CAT: variants seen among roughly 807,000 people sequenced by gnomAD.
The protein encoded by CAT is epididymis secretory sperm binding protein.
A neutral mutation model predicts 59.0 loss-of-function variants in CAT; 43 were observed. The ratio of observed to expected loss-of-function variants is 0.73; its 90% CI spans 0.57 to 0.94. The LOEUF (loss-of-function observed/expected upper bound fraction) is 0.94, where lower values mean the gene tolerates loss of function less well. Ranked by LOEUF, CAT falls within the 40% of genes least tolerant of loss-of-function variation. The probability of loss-of-function intolerance (pLI) is 0.00; values close to 1 mark genes in which losing one functional copy is unlikely to be tolerated. For missense variants in CAT, 664 were observed against 682.9 expected (o/e 0.97, Z 0.31); for synonymous variants, 218 against 230.9 (o/e 0.94, Z 0.51).
chr11:34,464,304 C>G (rs1856688478), intron 10 of CAT, 69 bp downstream of exon 10: 1 of 1,453,954 alleles, frequency 6.9e-7, no homozygotes, highest in African/African-American at 1.4e-5. Flanking sequence ...TGCATAATCC[C>G]CCTCCCTGCA....
intron 6 of CAT, among the ~76,000 whole-genome samples, chr11:34,454,418 T>C (rs1305088820): frequency 1.3e-5 from 2 of 152,190 alleles, no homozygotes; most frequent in Non-Finnish European, 2.9e-5. Flanking sequence ...TGAGCAATAT[T>C]GCCAGTGAAC....
intron 1 of CAT, among the ~76,000 whole-genome samples, chr11:34,442,033 C>T (rs1218719892): frequency 2.0e-5 from 3 of 152,168 alleles, no homozygotes; most frequent in Non-Finnish European, 2.9e-5. Context: ...TGTTGTCAGT[C>T]TTTTACATTT....
intron 10 of CAT, among the ~76,000 whole-genome samples, chr11:34,465,860 A>G (rs1015690222): frequency 7.2e-5 from 11 of 152,362 alleles, no homozygotes; most frequent in African/African-American, 2.6e-4. Context: ...AAGGCTTTGG[A>G]GAGCTAACAA....
chr11:34,442,019 T>C (rs964771737), intron 1 of CAT, among the ~76,000 whole-genome samples: 1 of 152,176 alleles, frequency 6.6e-6, no homozygotes, highest in African/African-American at 2.4e-5. Flanking sequence ...CTACCAACTT[T>C]TGGTGTTGTC....
rs796270844 is a variant in CAT, at chr11:34,461,278, C to G, written c.1084C>G (p.His362Asp). The change falls in exon 9 of 13, where the codon CAC becomes GAC. Residue 362 changes from histidine to aspartate, a missense_variant. Coordinates refer to ENST00000241052, the MANE Select transcript of CAT (RefSeq NM_001752.4). ...CCGCCTTTTTGCCTATCCTGACACT[C>G]ACCGCCATCGCCTGGGACCCAATTA... Reference protein sequence around the residue: ...QGRLFAYPDTHRHRLGPNYLH... With the variant: ...QGRLFAYPDTDRHRLGPNYLH... The G allele has an allele frequency of 3.7e-6, 6 of 1,614,228 alleles. No homozygotes were observed. Among genetic ancestry groups the G allele is most frequent in the East Asian group, 2.2e-5 (1 of 44,884 alleles).
intron 1 of CAT, among the ~76,000 whole-genome samples, chr11:34,443,957 G>A (rs954374742): frequency 6.6e-6 from 1 of 152,164 alleles, no homozygotes; most frequent in African/African-American, 2.4e-5. Context: ...TGCAGTGGGA[G>A]AGACTATGGG....
intron 1 of CAT, 37 bp downstream of exon 1, chr11:34,439,116 G>A: frequency 6.4e-7 from 1 of 1,552,516 alleles, no homozygotes; most frequent in East Asian, 2.4e-5. Context: ...CCGAAGGTCC[G>A]TTTAGAAAGC....
At position 34,461,351 on chromosome 11, in the gene CAT, A is replaced by G; in HGVS notation, c.1157A>G (p.Tyr386Cys). ...CCCTACCGTGCTCGAGTGGCCAACTACCAGCGTGACGGCCCGATGTGCATG... is the reference window on the plus strand; with the variant it reads ...CCCTACCGTGCTCGAGTGGCCAACTGCCAGCGTGACGGCCCGATGTGCATG... Reference protein sequence around the residue: ...NCPYRARVANYQRDGPMCMQD... With the variant: ...NCPYRARVANCQRDGPMCMQD... Residue 386 changes from tyrosine (Y) to cysteine (C), a missense_variant, in exon 9 of 13, where the codon TAC becomes TGC. Coordinates refer to ENST00000241052, the MANE Select transcript of CAT (RefSeq NM_001752.4). The G allele has an allele frequency of 6.2e-7, 1 of 1,614,170 alleles. No individual in the cohort carries two copies. Among genetic ancestry groups the G allele is most frequent in the Non-Finnish European group, 8.5e-7 (1 of 1,180,024 alleles).
chr11:34,471,349 T>C lies in CAT; in HGVS notation c.1519-19T>C. ...GCCCATGAGGTGATTAACCTGCTCA[T>C]CTTGTTCTTTTAAAACAGAATGCGA... On this transcript the variant is annotated intron_variant, in intron 12 of 12. Coordinates refer to ENST00000241052, the MANE Select transcript of CAT (RefSeq NM_001752.4). 1 of 1,610,284 alleles carries C rather than the reference T, an allele frequency of 6.2e-7. No individual in the cohort carries two copies. Among genetic ancestry groups the C allele is most frequent in the Non-Finnish European group, 8.5e-7 (1 of 1,176,462 alleles).
intron 9 of CAT, among the ~76,000 whole-genome samples, chr11:34,462,842 T>C (rs1856665666): frequency 6.6e-6 from 1 of 152,192 alleles, no homozygotes; most frequent in Non-Finnish European, 1.5e-5. Flanking sequence ...CATTTGGAAG[T>C]AGGATTTTAA....
rs149995085 is a variant in CAT at position 34,451,558 on chromosome 11, G to A, written c.349+460G>A. 4.6e-3 allele frequency among the ~76,000 whole-genome samples: 700 copies of A among 152,250 alleles called. 8 individuals are homozygous for A. Among genetic ancestry groups the A allele is most frequent in the African/African-American group, 0.016 (670 of 41,548 alleles). ...TGATGTTTCTCACGTTACAGAGATA[G>A]TATTAGATCTATCATACTATATTTC... On this transcript the variant is annotated intron_variant, in intron 3 of 12. Transcript: ENST00000241052.
Position 34,439,527 on chromosome 11 carries a change from C to T in CAT, c.66+448C>T, listed in dbSNP as rs541317747. Reference sequence around the variant, plus strand: ...CCAGCAGGGCAGGGATTGTGTTTTACAATCTTGAGGTCTCCAGCACCAGTC... The same window carrying T: ...CCAGCAGGGCAGGGATTGTGTTTTATAATCTTGAGGTCTCCAGCACCAGTC... On this transcript the variant is annotated intron_variant, in intron 1 of 12. Transcript: ENST00000241052. 1.2e-4 allele frequency among the ~76,000 whole-genome samples: 18 copies of T among 152,288 alleles called. No individual in the cohort carries two copies. The East Asian group carries it at 3.1e-3, about 26-fold the overall frequency.
intron 1 of CAT, among the ~76,000 whole-genome samples, chr11:34,448,437 G>C (rs1474531000): frequency 6.6e-6 from 1 of 152,192 alleles, no homozygotes. Context: ...GAGCTTCCAG[G>C]ATCATGTGGG....
chr11:34,456,171 C>T lies in CAT; in HGVS notation c.872C>T (p.Thr291Ile). 6.2e-7 allele frequency: 1 copy of T among 1,614,040 alleles called. No homozygotes were observed. The highest frequency in any genetic ancestry group is 8.5e-7 in the Non-Finnish European group (1 of 1,179,952). ...GTCATGACATTTAATCAGGCAGAAA[C>T]TTTTCCATTTAATCCATTCGATCTC... ...IQVMTFNQAE[T>I]FPFNPFDLTK... is the part of the protein sequence containing the mutation. Residue 291 changes from threonine to isoleucine, a missense_variant, in exon 7 of 13, where the codon ACT (threonine) becomes ATT (isoleucine). Thr to Ile is a moderately conservative substitution (Grantham distance 89, BLOSUM62 -1). Coordinates refer to ENST00000241052, the MANE Select transcript of CAT (RefSeq NM_001752.4).
chr11:34,447,179 G>T (rs189027767), intron 1 of CAT, among the ~76,000 whole-genome samples: 5 of 152,242 alleles, frequency 3.3e-5, no homozygotes, highest in African/African-American at 4.8e-5. Context: ...AATAGTTCTA[G>T]GTTAGTGGTT....
At position 34,464,233 on chromosome 11, in the gene CAT, C is replaced by G; in HGVS notation, c.1324C>G (p.Gln442Glu). The change falls in exon 10 of 13, where the codon CAG (glutamine) becomes GAG (glutamate). Residue 442 changes from glutamine to glutamate, a missense_variant and splice_region_variant. By Grantham distance (29) the Gln-to-Glu change is conservative. Coordinates refer to ENST00000241052, the MANE Select transcript of CAT (RefSeq NM_001752.4). ...FNTANDDNVT[Q>E]VRAFYVNVLN... ...CACTGCCAATGATGATAACGTTACTCAGGTAATGACTTCTCTTTATCTGCT... is the reference window on the plus strand; with the variant it reads ...CACTGCCAATGATGATAACGTTACTGAGGTAATGACTTCTCTTTATCTGCT... 6.2e-7 allele frequency: 1 copy of G among 1,613,960 alleles called. No individual in the cohort carries two copies. The highest frequency in any genetic ancestry group is 8.5e-7 in the Non-Finnish European group (1 of 1,179,840).
Position 34,468,339 on chromosome 11 carries a change from T to G in CAT, c.1378T>G (p.Cys460Gly). 6.2e-7 allele frequency: 1 copy of G among 1,614,122 alleles called. No homozygotes were observed. Among genetic ancestry groups the G allele is most frequent in the Non-Finnish European group, 8.5e-7 (1 of 1,180,006 alleles). Residue 460 changes from cysteine (C) to glycine (G), a missense_variant, in exon 11 of 13, where the codon TGT becomes GGT. Coordinates refer to ENST00000241052, the MANE Select transcript of CAT (RefSeq NM_001752.4). ...GAATGAGGAACAGAGGAAACGTCTGTGTGAGAACATTGCCGGCCACCTGAA... is the reference window on the plus strand; with the variant it reads ...GAATGAGGAACAGAGGAAACGTCTGGGTGAGAACATTGCCGGCCACCTGAA... ...VLNEEQRKRLCENIAGHLKDA... is the reference protein window; with the variant it reads ...VLNEEQRKRLGENIAGHLKDA...
chr11:34,458,231 G>A (rs1293202579), intron 8 of CAT, among the ~76,000 whole-genome samples: 2 of 152,216 alleles, frequency 1.3e-5, no homozygotes, highest in Non-Finnish European at 2.9e-5. Flanking sequence ...ACAAAGGTGG[G>A]ACATGTTAGG....
chr11:34,443,995 A>G (rs557783969), intron 1 of CAT, among the ~76,000 whole-genome samples: 1 of 152,260 alleles, frequency 6.6e-6, no homozygotes, highest in Non-Finnish European at 1.5e-5. Flanking sequence ...TTAAGGTTTC[A>G]TTTCTTTTTT....
Sources: allele counts gnomAD v4.1 joint callset (sites outside exome capture counted in the v4.1 genomes callset), GRCh38; gene constraint gnomAD v4.1.1; transcripts MANE v1.5; gene names NCBI Gene and HGNC (gene_info 2026-07-23, HGNC 2026-07-21).